Variants in NOL6 observed in about 807,000 individuals in gnomAD.
NOL6 encodes the protein nucleolar RNA-associated protein.
Under a neutral mutation model 131.7 loss-of-function variants are expected in NOL6, and 33 were observed. That is an observed-to-expected ratio of 0.25 (90% CI 0.19 to 0.33). NOL6 has a LOEUF of 0.33. Among genes scored for constraint, NOL6 ranks in the 10% least tolerant of loss-of-function variants. NOL6 has a pLI of 1.00. For synonymous variants in NOL6, 580 were observed against 605.7 expected (o/e 0.96, Z 0.62); for missense variants, 1,297 against 1,494.5 (o/e 0.87, Z 2.18).
intron 19 of NOL6, 119 bp downstream of exon 19, chr9:33,465,615 C>A (rs950606374): frequency 8.3e-7 from 1 of 1,205,420 alleles, no homozygotes; most frequent in Non-Finnish European, 1.1e-6. Context: ...TGCCTGACTC[C>A]AGAACTCATA....
Position 33,465,260 on chromosome 9 carries a change from C to T in NOL6, c.2628G>A (p.Leu876=). 3 of 1,598,442 alleles carry T rather than the reference C, an allele frequency of 1.9e-6. No individual in the cohort carries two copies. The highest frequency in any genetic ancestry group is 2.6e-6 in the Non-Finnish European group (3 of 1,172,116). The change falls in exon 20 of 26, where the codon CTG becomes CTA. Residue 876 remains leucine, a synonymous_variant. Coordinates refer to ENST00000297990, the MANE Select transcript of NOL6 (RefSeq NM_022917.5). The part of the protein sequence containing the change: ...LLGEGFADES[L]DLVAAALFLH... ...GGAAAAGGGCAGCGGCCACCAGATC[C>T]AGGCTCTCATCAGCGAAACCCTCAC...
At chr9:33,470,694 A>T (rs1827387686) in intron 3 of NOL6, 1 of 152,194 alleles carries the variant, frequency 6.6e-6, no homozygotes, top group African/African-American at 2.4e-5. Flanking sequence ...CAAAAAAAAA[A>T]AGAATACCCA....
intron 3 of NOL6, 44 bp from the exon 4 acceptor site, chr9:33,470,235 C>T (rs769256047): frequency 6.9e-7 from 1 of 1,451,966 alleles, no homozygotes; most frequent in Non-Finnish European, 9.2e-7. Context: ...CAACTGCCTT[C>T]CTCACATGTA....
Position 33,469,266 on chromosome 9 carries a change from A to G in NOL6, c.803T>C (p.Leu268Pro), listed in dbSNP as rs1446174393. ...AGAGCGCACATTGTTCTTGGTTGGC[A>G]GCAAGCGGCACGGGCGGAAGAAGTC... ...PPDFFRPCRL[L>P]PTKNNVRSAW... The change falls in exon 6 of 26, where the codon CTG (leucine) becomes CCG (proline). Residue 268 changes from leucine (L) to proline (P), a missense_variant. Transcript: ENST00000297990. The G allele has an allele frequency of 6.2e-7, 1 of 1,614,196 alleles. No individual in the cohort carries two copies. The highest frequency in any genetic ancestry group is 1.7e-5 in the Admixed American group (1 of 60,028).
chr9:33,473,707 G>A, intron 1 of NOL6, 82 bp downstream of exon 1: 1 of 1,516,706 alleles, frequency 6.6e-7, no homozygotes, highest in Non-Finnish European at 9.1e-7. Flanking sequence ...TCACCCGCAA[G>A]CTGTCAGATC....
Position 33,461,886 on chromosome 9 carries a change from C to G in NOL6, c.*778G>C. On this transcript the variant is annotated 3_prime_UTR_variant, in exon 26 of 26. Transcript: ENST00000297990. ...TGGGGAGTAAGACTTGAGTCTCCCC[C>G]ATCTCTGCAACCCCACTGCAGGTAC... is the stretch of plus-strand genomic sequence containing the variant. 2.5e-6 allele frequency: 1 copy of G among 399,386 alleles called. No individual in the cohort carries two copies. Among genetic ancestry groups the G allele is most frequent in the East Asian group, 4.0e-5 (1 of 24,814 alleles). The allele number at this position is 399,386 out of a possible 1,614,324, so 24.7% of individuals were successfully genotyped here.
At chr9:33,473,407 G>A (rs1277949094) in intron 1 of NOL6, among the ~76,000 whole-genome samples, 1 of 152,192 alleles carries the variant, frequency 6.6e-6, no homozygotes, top group Non-Finnish European at 1.5e-5. Context: ...GAGCCTTACT[G>A]GAGCGCTCCA....
chr9:33,462,967 G>C, intron 25 of NOL6, 66 bp downstream of exon 25: 1 of 1,543,684 alleles, frequency 6.5e-7, no homozygotes, highest in South Asian at 1.1e-5. Flanking sequence ...ACTACACACA[G>C]ACATGCATGC....
At position 33,469,219 on chromosome 9, in the gene NOL6, G is replaced by A; in HGVS notation, c.850C>T (p.Pro284Ser). The A allele has an allele frequency of 1.2e-6, 2 of 1,614,182 alleles. No individual in the cohort carries two copies. The highest frequency in any genetic ancestry group is 1.1e-5 in the South Asian group (1 of 91,086). Residue 284 changes from proline (P) to serine (S), a missense_variant, in exon 6 of 26, where the codon CCT becomes TCT. Physicochemically the swap from Pro to Ser is moderately conservative, Grantham distance 74. Transcript: ENST00000297990. ...VRSAWYRGQS[P>S]AGDGSPEPPT... ...AGGGCCTGCTCACCATCCCCTGCAGGACTCTGCCCTCGGTACCAGGCAGAG... is the reference window on the plus strand; with the variant it reads ...AGGGCCTGCTCACCATCCCCTGCAGAACTCTGCCCTCGGTACCAGGCAGAG...
chr9:33,467,250 G>A lies in NOL6; in HGVS notation c.1738C>T (p.Arg580Cys), dbSNP rs1028823371. Residue 580 changes from arginine (R) to cysteine (C), a missense_variant, in exon 14 of 26, where the codon CGC becomes TGC. By Grantham distance (180) the Arg-to-Cys change is radical. Coordinates refer to ENST00000297990, the MANE Select transcript of NOL6 (RefSeq NM_022917.5). This position sits in a 1 kb window ranked among gnomAD's most constrained non-coding sequence, Gnocchi z 4.4. ...EADQPEAAKFRQFWGSRSELR... is the reference protein window; with the variant it reads ...EADQPEAAKFCQFWGSRSELR... ...TCCGAGCGGGATCCCCAGAACTGGC[G>A]GAATTTAGCAGCCTGAGGAGGCAAG... 14 of 1,614,142 alleles carry A rather than the reference G, an allele frequency of 8.7e-6. No homozygotes were observed. The highest frequency in any genetic ancestry group is 4.4e-5 in the South Asian group (4 of 91,078).
In NOL6 at chr9:33,468,303, T is replaced by A. The variant is rs367568250; in HGVS notation, c.1308+18A>T. 7 of 1,612,298 alleles carry A rather than the reference T, an allele frequency of 4.3e-6. No individual in the cohort carries two copies. Among genetic ancestry groups the A allele is most frequent in the Middle Eastern group, 1.6e-4 (1 of 6,070 alleles). On this transcript the variant is annotated intron_variant, in intron 10 of 25. Transcript: ENST00000297990. ...GGCTGAGACATCAGGGGAACACAGA[T>A]TGGGGGCCCATTGGTACCTGGTGGT...
Position 33,469,730 on chromosome 9 carries a change from G to A in NOL6, c.559-63C>T, listed in dbSNP as rs578070010. 99 of 1,569,660 alleles carry A rather than the reference G, an allele frequency of 6.3e-5. No individual in the cohort carries two copies. The African/African-American group carries it at 1.2e-3, about 19-fold the overall frequency. On this transcript the variant is annotated intron_variant, in intron 4 of 25. Transcript: ENST00000297990. Reference sequence around the variant, plus strand: ...AAGTGCTTGTGGAGCTGTGGGCCAAGGTGAAACCAAGGTGAGAGAGCCAGG... The same window carrying A: ...AAGTGCTTGTGGAGCTGTGGGCCAAAGTGAAACCAAGGTGAGAGAGCCAGG...
chr9:33,470,769 A>G (rs1827389629), intron 3 of NOL6: 1 of 126,438 alleles, frequency 7.9e-6, no homozygotes, highest in African/African-American at 3.1e-5. Flanking sequence ...TTTAAAACAG[A>G]GAGAGGAAAA....
chr9:33,461,867 G>C lies in NOL6; in HGVS notation c.*797C>G. On this transcript the variant is annotated 3_prime_UTR_variant, in exon 26 of 26. Coordinates refer to ENST00000297990, the MANE Select transcript of NOL6 (RefSeq NM_022917.5). ...CTTGGGCCCTGGGAGCTCCTGGGGA[G>C]TAAGACTTGAGTCTCCCCCATCTCT... 1 of 355,976 alleles carries C rather than the reference G, an allele frequency of 2.8e-6. No individual in the cohort carries two copies. Among genetic ancestry groups the C allele is most frequent in the South Asian group, 5.2e-5 (1 of 19,264 alleles). 22.1% of individuals were successfully genotyped at this position (355,976 alleles called of 1,614,324 possible). A position where few individuals can be genotyped will look rare whatever the true frequency, so the allele number is the denominator to read the frequency against.
Position 33,473,859 on chromosome 9 carries a change from C to G in NOL6, c.-17G>C. 2 of 1,594,542 alleles carry G rather than the reference C, an allele frequency of 1.3e-6. No homozygotes were observed. The highest frequency in any genetic ancestry group is 2.2e-5 in the South Asian group (2 of 91,044). Reference sequence around the variant, plus strand: ...CGGCCCCATCACTCAGGGTCCAGCACTCTCCCGCACTTCAGATTCTAGCCG... The same window carrying G: ...CGGCCCCATCACTCAGGGTCCAGCAGTCTCCCGCACTTCAGATTCTAGCCG... On this transcript the variant is annotated 5_prime_UTR_variant, in exon 1 of 26. Coordinates refer to ENST00000297990, the MANE Select transcript of NOL6 (RefSeq NM_022917.5).
Position 33,464,972 on chromosome 9 carries a change from G to C in NOL6, c.2686C>G (p.Pro896Ala). The C allele has an allele frequency of 6.2e-7, 1 of 1,612,570 alleles. No individual in the cohort carries two copies. The highest frequency in any genetic ancestry group is 8.5e-7 in the Non-Finnish European group (1 of 1,178,768). Residue 896 changes from proline (P) to alanine (A), a missense_variant, in exon 21 of 26, where the codon CCC becomes GCC. By Grantham distance (27) the Pro-to-Ala change is conservative. Coordinates refer to ENST00000297990, the MANE Select transcript of NOL6 (RefSeq NM_022917.5). Reference sequence around the variant, plus strand: ...AGGAATCGAAGGAAGCCAACCTGGGGGGAACTAAAGGGCTGGAGTAAGCAA... The same window carrying C: ...AGGAATCGAAGGAAGCCAACCTGGGCGGAACTAAAGGGCTGGAGTAAGCAA... ...HPEPFTPPSSPQVGFLRFLFL... is the reference protein window; with the variant it reads ...HPEPFTPPSSAQVGFLRFLFL...
At position 33,466,401 on chromosome 9, in the gene NOL6, G is replaced by A; in HGVS notation, c.2116C>T (p.Pro706Ser). The A allele has an allele frequency of 6.2e-7, 1 of 1,614,248 alleles. No individual in the cohort carries two copies. The highest frequency in any genetic ancestry group is 8.5e-7 in the Non-Finnish European group (1 of 1,180,042). The change falls in exon 17 of 26, where the codon CCA becomes TCA. Residue 706 changes from proline (P) to serine (S), a missense_variant. Pro to Ser is a moderately conservative substitution (Grantham distance 74). Transcript: ENST00000297990. ...AGAGTCTCATAGAAGGAGAAGGCTGGACGGACTGGAGTTGGTGGGAACACC... is the reference window on the plus strand; with the variant it reads ...AGAGTCTCATAGAAGGAGAAGGCTGAACGGACTGGAGTTGGTGGGAACACC... ...TEVFPPTPVR[P>S]AFSFYETLRE...
At chr9:33,466,847 G>T in intron 15 of NOL6, 65 bp downstream of exon 15, 1 of 1,560,370 alleles carries the variant, frequency 6.4e-7, no homozygotes, top group Non-Finnish European at 8.7e-7. Flanking sequence ...GGCCAAGGCT[G>T]AGAGGACTCT....
rs1827351549 is a variant in NOL6, at chr9:33,469,575, G to A, written c.651C>T (p.Asp217=). Residue 217 remains aspartate (D), a synonymous_variant, in exon 5 of 26, where the codon GAC becomes GAT. Transcript: ENST00000297990. ...LAHLAHHLAQ[D]PLFGSVCFSY... is the part of the protein sequence containing the mutation. ...AGAAGCAAACACTGCCAAAGAGGGG[G>A]TCCTGGGCCAGGTGGTGAGCCAAGT... The A allele has an allele frequency of 6.2e-7, 1 of 1,609,152 alleles. No homozygotes were observed. The highest frequency in any genetic ancestry group is 1.7e-5 in the Admixed American group (1 of 58,060).
Sources: allele counts gnomAD v4.1 joint callset (sites outside exome capture counted in the v4.1 genomes callset), GRCh38; gene constraint gnomAD v4.1.1; non-coding constraint Gnocchi (gnomAD v3.1); transcripts MANE v1.5; gene names NCBI Gene and HGNC (gene_info 2026-07-23, HGNC 2026-07-21).